The following INSL6 variants were observed in gnomAD, a reference collection of about 807,000 sequenced individuals.
INSL6 encodes the protein insulin like 6, also known as insulin-like peptide INSL6.
INSL6 carries 16 observed loss-of-function variants against 9.4 expected under a neutral mutation model. The ratio of observed to expected loss-of-function variants is 1.70; its 90% CI spans 1.15 to 2.59. INSL6 has a LOEUF of 2.59. Among genes scored for constraint, INSL6 ranks in the 30% most tolerant of loss-of-function variants. INSL6 has a pLI of 0.00. For missense variants in INSL6, 391 were observed against 257.3 expected (o/e 1.52, Z -3.56); for synonymous variants, 154 against 96.9 (o/e 1.59, Z -3.46).
At chr9:5,050,982 A>G in the INSL6 span, 3 of 740,398 alleles carry the variant, frequency 4.1e-6, no homozygotes, top group East Asian at 8.4e-5. Context: ...AATGCTTCAG[A>G]TTTTGGATAT....
chr9:5,075,069 C>G, the INSL6 span, among the ~76,000 whole-genome samples: 136 of 152,062 alleles, frequency 8.9e-4, 1 homozygote, highest in African/African-American at 3.0e-3. Flanking sequence ...CAATCTAGAG[C>G]AAGATCTTAA....
At chr9:5,176,040 T>C (rs1004366513) in intron 1 of INSL6, among the ~76,000 whole-genome samples, 11 of 152,198 alleles carry the variant, frequency 7.2e-5, no homozygotes, top group Admixed American at 2.0e-4. Flanking sequence ...TGGGGATTAC[T>C]GGCCTAAAAT....
chr9:5,059,886 A>T, the INSL6 span, among the ~76,000 whole-genome samples: 1 of 152,084 alleles, frequency 6.6e-6, no homozygotes, highest in Non-Finnish European at 1.5e-5. Flanking sequence ...CACATTTTTC[A>T]TTGACTTGTC....
At chr9:5,003,878 A>G in the INSL6 span, among the ~76,000 whole-genome samples, 1 of 152,010 alleles carries the variant, frequency 6.6e-6, no homozygotes, top group South Asian at 2.1e-4. Context: ...TTTTATTCCT[A>G]GTTTGAGATT....
At chr9:5,170,824 G>T (rs558394607) in intron 1 of INSL6, among the ~76,000 whole-genome samples, 1 of 152,168 alleles carries the variant, frequency 6.6e-6, no homozygotes, top group African/African-American at 2.4e-5. Context: ...CTAATAACAA[G>T]TTCTGAAATT....
chr9:5,116,198 T>C, the INSL6 span, among the ~76,000 whole-genome samples: 175 of 152,290 alleles, frequency 1.1e-3, no homozygotes, highest in African/African-American at 4.1e-3. Context: ...CATGGAGAAC[T>C]GAATAGCTTA....
chr9:5,140,454 C>T (rs925698596), intron 2 of INSL6, among the ~76,000 whole-genome samples: 1 of 152,154 alleles, frequency 6.6e-6, no homozygotes, highest in Non-Finnish European at 1.5e-5. Flanking sequence ...TCATCAGTCT[C>T]TTCTTTTACA....
chr9:5,011,654 C>G, the INSL6 span, among the ~76,000 whole-genome samples: 1 of 151,698 alleles, frequency 6.6e-6, no homozygotes, highest in South Asian at 2.1e-4. Flanking sequence ...TATATATATT[C>G]TTCTTTTCAT....
At chr9:5,064,801 C>T in the INSL6 span, 1 of 1,041,024 alleles carries the variant, frequency 9.6e-7, no homozygotes, top group Non-Finnish European at 1.4e-6. Context: ...TTGTATTTAA[C>T]ATGGAATGAA....
At chr9:5,085,158 G>C in the INSL6 span, 1 of 649,428 alleles carries the variant, frequency 1.5e-6, no homozygotes, top group South Asian at 1.4e-5. Flanking sequence ...GTGGAGCTCT[G>C]TCTACATCTC....
chr9:5,000,957 C>G, the INSL6 span, among the ~76,000 whole-genome samples: 1 of 152,108 alleles, frequency 6.6e-6, no homozygotes, highest in African/African-American at 2.4e-5. Flanking sequence ...CCAGGGTCAG[C>G]AAATTCCCAA....
At chr9:5,085,446 G>C in the INSL6 span, 5 of 740,314 alleles carry the variant, frequency 6.8e-6, no homozygotes, top group Non-Finnish European at 1.3e-5. Flanking sequence ...CAGTATTCTT[G>C]AAGGTCTTTT....
At chr9:5,173,161 T>C (rs117656154) in intron 1 of INSL6, among the ~76,000 whole-genome samples, 3,092 of 152,312 alleles carry the variant, frequency 0.02, 50 homozygotes, top group Non-Finnish European at 0.033. Context: ...TAATTCCTAC[T>C]GTTGGTGGGA....
At chr9:5,038,634 A>G in the INSL6 span, among the ~76,000 whole-genome samples, 7 of 150,498 alleles carry the variant, frequency 4.7e-5, no homozygotes, top group Non-Finnish European at 4.4e-5. Context: ...ATATTTGCAG[A>G]GTATACGCTG....
At chr9:5,064,970 T>G in the INSL6 span, 1 of 1,610,290 alleles carries the variant, frequency 6.2e-7, no homozygotes, top group Non-Finnish European at 8.5e-7. Flanking sequence ...TGCACATCAT[T>G]ACCTCTGTAA....
chr9:5,072,004 C>T, the INSL6 span, among the ~76,000 whole-genome samples: 1 of 152,138 alleles, frequency 6.6e-6, no homozygotes, highest in Non-Finnish European at 1.5e-5. Flanking sequence ...TCATAACAAT[C>T]CTATGGGAAA....
the INSL6 span, chr9:5,112,356 G>C: frequency 8.4e-6 from 3 of 358,610 alleles, no homozygotes; most frequent in South Asian, 9.9e-5. Context: ...GACTCCTGCA[G>C]TGGGCTAGGG....
the INSL6 span, among the ~76,000 whole-genome samples, chr9:5,026,517 T>C: frequency 1.3e-5 from 2 of 152,186 alleles, no homozygotes; most frequent in African/African-American, 4.8e-5. Flanking sequence ...CAGTGGAAAA[T>C]AGTGAAAACA....
At chr9:5,042,360 A>G in the INSL6 span, among the ~76,000 whole-genome samples, 3 of 149,904 alleles carry the variant, frequency 2.0e-5, no homozygotes, top group African/African-American at 7.4e-5. Context: ...GATGGTCTCG[A>G]TCTCCTGACC....
Sources: gnomAD v4.1 joint callset for allele counts (sites outside exome capture counted in the v4.1 genomes callset) on GRCh38, gnomAD v4.1.1 for gene constraint, MANE v1.5 for transcripts, NCBI Gene and HGNC (gene_info 2026-07-23, HGNC 2026-07-21) for gene names.